Variants in TTC6 observed in about 807,000 individuals in gnomAD.
TTC6 encodes the protein tetratricopeptide repeat domain 6, also known as tetratricopeptide repeat protein 6.
TTC6 carries 172 observed loss-of-function variants against 210.4 expected under a neutral mutation model. The ratio of observed to expected loss-of-function variants is 0.82; its 90% confidence interval spans 0.72 to 0.93. The LOEUF (loss-of-function observed/expected upper bound fraction) is 0.93, where lower values mean the gene tolerates loss of function less well. Ranked by LOEUF, TTC6 falls within the 40% of genes least tolerant of loss-of-function variation. The pLI is 0.00. For missense variants in TTC6, 2,414 were observed against 2,318.1 expected (o/e 1.04, Z -0.85); for synonymous variants, 804 against 819.6 (o/e 0.98, Z 0.32).
intron 17 of TTC6, among the ~76,000 whole-genome samples, chr14:37,792,777 TGTGTG>T (rs751610386): frequency 5.4e-5 from 1 of 18,392 alleles, no homozygotes. Context: ...GGTCCAATGT[TGTGTG>T]TGTGTGTGTG....
chr14:37,836,656 C>T (rs1308327278), intron 29 of TTC6, among the ~76,000 whole-genome samples: 2 of 152,114 alleles, frequency 1.3e-5, no homozygotes, highest in African/African-American at 2.4e-5. Context: ...TTACAGTGCA[C>T]ACTCCCTCCA....
At chr14:37,762,040 GT>G (rs1329390042) in intron 14 of TTC6, among the ~76,000 whole-genome samples, 6 of 151,940 alleles carry the variant, frequency 3.9e-5, no homozygotes, top group Non-Finnish European at 8.8e-5. Context: ...CTATATATTT[GT>G]TTTAGATTCC....
chr14:37,732,267 C>T (rs899862623), intron 7 of TTC6, among the ~76,000 whole-genome samples: 2 of 143,698 alleles, frequency 1.4e-5, no homozygotes, highest in Admixed American at 7.5e-5. Flanking sequence ...ACTGCAAGCT[C>T]TGCCTCCTGG....
chr14:37,637,290 C>G (rs2095682789), intron 1 of TTC6, among the ~76,000 whole-genome samples: 1 of 152,124 alleles, frequency 6.6e-6, no homozygotes, highest in Non-Finnish European at 1.5e-5. Context: ...ATGTCTGATC[C>G]AAAGGACAAA....
At chr14:37,601,249 G>A (rs1271380533) in intron 1 of TTC6, among the ~76,000 whole-genome samples, 2 of 152,102 alleles carry the variant, frequency 1.3e-5, no homozygotes, top group African/African-American at 4.8e-5. Context: ...GCCTTGCCAG[G>A]TTCTTATCAC....
intron 1 of TTC6, among the ~76,000 whole-genome samples, chr14:37,626,207 T>A (rs959666621): frequency 1.3e-5 from 2 of 152,170 alleles, no homozygotes; most frequent in Non-Finnish European, 2.9e-5. Flanking sequence ...AATGTTTGTT[T>A]GTTTTGCTAA....
chr14:37,781,898 G>A (rs2096055924), intron 14 of TTC6, among the ~76,000 whole-genome samples: 2 of 152,148 alleles, frequency 1.3e-5, no homozygotes, highest in Non-Finnish European at 1.5e-5. Flanking sequence ...TTTCCCCATT[G>A]CTTGTTTTTG....
At chr14:37,657,106 G>A (rs71407705) in intron 1 of TTC6, among the ~76,000 whole-genome samples, 8,624 of 151,400 alleles carry the variant, frequency 0.057, 384 homozygotes, top group Non-Finnish European at 0.089. Flanking sequence ...CAGCTACTCG[G>A]CAGGCTGAGG....
chr14:37,732,395 G>T (rs1268245099), intron 7 of TTC6, among the ~76,000 whole-genome samples: 2 of 151,250 alleles, frequency 1.3e-5, no homozygotes, highest in African/African-American at 4.9e-5. Context: ...GTGTTAGCCA[G>T]GATGGTGTCG....
At chr14:37,828,473 GT>G (rs2096177313) in intron 29 of TTC6, among the ~76,000 whole-genome samples, 2 of 151,944 alleles carry the variant, frequency 1.3e-5, no homozygotes, top group South Asian at 4.1e-4. Flanking sequence ...ATGTTTGCTT[GT>G]TTAGCTCTGG....
At chr14:37,643,024 C>G (rs2095694978) in intron 1 of TTC6, among the ~76,000 whole-genome samples, 1 of 152,132 alleles carries the variant, frequency 6.6e-6, no homozygotes, top group African/African-American at 2.4e-5. Flanking sequence ...ATCTCATTAT[C>G]TGGCCGGGTG....
At chr14:37,801,527 G>A (rs1237578136) in intron 20 of TTC6, among the ~76,000 whole-genome samples, 1 of 152,114 alleles carries the variant, frequency 6.6e-6, no homozygotes, top group African/African-American at 2.4e-5. Context: ...CAAAATTGGT[G>A]GGGTGTCGCT....
chr14:37,620,605 A>T (rs891595384), upstream of TTC6, among the ~76,000 whole-genome samples: 2 of 152,172 alleles, frequency 1.3e-5, no homozygotes. Flanking sequence ...ATCTTTCAAG[A>T]TCTCAAAATC....
At chr14:37,697,562 G>C (rs1354046393) in intron 4 of TTC6, among the ~76,000 whole-genome samples, 2 of 152,038 alleles carry the variant, frequency 1.3e-5, no homozygotes, top group Non-Finnish European at 2.9e-5. Flanking sequence ...AGGTATGCTG[G>C]ACATGGAAGA....
At chr14:37,602,557 G>T (rs1278957258) in intron 1 of TTC6, among the ~76,000 whole-genome samples, 1 of 152,154 alleles carries the variant, frequency 6.6e-6, no homozygotes, top group Admixed American at 6.5e-5. Context: ...AAGGCACAAG[G>T]CTGTGCGATC....
chr14:37,622,088 T>C, exon 1 of TTC6: 1 of 1,532,186 alleles, frequency 6.5e-7, no homozygotes. Context: ...CGAGACACTT[T>C]GGCCTGAAAT....
chr14:37,609,237 C>T (rs1566836679), intron 2 of TTC6, among the ~76,000 whole-genome samples: 2 of 151,960 alleles, frequency 1.3e-5, no homozygotes, highest in Admixed American at 6.6e-5. Flanking sequence ...AGTGTAGAGA[C>T]CCCTGTCTCT....
chr14:37,633,296 C>T (rs376839004), intron 1 of TTC6, among the ~76,000 whole-genome samples: 7 of 152,296 alleles, frequency 4.6e-5, no homozygotes, highest in East Asian at 1.9e-4. Context: ...TTGCGAAGAC[C>T]GTGGGAAAAA....
chr14:37,646,867 G>A (rs1329164290), intron 1 of TTC6, among the ~76,000 whole-genome samples: 3 of 152,162 alleles, frequency 2.0e-5, no homozygotes, highest in African/African-American at 7.2e-5. Context: ...GGAAAATACA[G>A]AATGGGTTAA....
Sources: gnomAD v4.1 joint callset for allele counts (sites outside exome capture counted in the v4.1 genomes callset) on GRCh38, gnomAD v4.1.1 for gene constraint, MANE v1.5 for transcripts, NCBI Gene and HGNC (gene_info 2026-07-23, HGNC 2026-07-21) for gene names.